RYR3: variants seen among roughly 807,000 people sequenced by gnomAD.
The protein encoded by RYR3 is brain ryanodine receptor-calcium release channel.
A neutral mutation model predicts 584.3 loss-of-function variants in RYR3; 207 were observed. The ratio of observed to expected loss-of-function variants is 0.35; its 90% confidence interval spans 0.32 to 0.40. The LOEUF (loss-of-function observed/expected upper bound fraction) is 0.40. Ranked by LOEUF, RYR3 falls within the 10% of genes least tolerant of loss-of-function variation. The pLI, the probability that RYR3 is intolerant of heterozygous loss-of-function variation, is 1.00. For missense variants in RYR3, 5,616 were observed against 6,089.2 expected (o/e 0.92, Z 2.59); for synonymous variants, 2,416 against 2,248.5 (o/e 1.07, Z -2.11).
intron 1 of RYR3, among the ~76,000 whole-genome samples, chr15:33,435,642 C>G (rs968875520): frequency 6.6e-6 from 1 of 152,162 alleles, no homozygotes; most frequent in Non-Finnish European, 1.5e-5. Context: ...TTGCTAACTT[C>G]AAGAATGAAG....
At chr15:33,659,558 C>T (rs150881505) in intron 32 of RYR3, among the ~76,000 whole-genome samples, 162 bp from the exon 33 acceptor site, 4 of 152,312 alleles carry the variant, frequency 2.6e-5, no homozygotes, top group Admixed American at 6.5e-5. Context: ...TGACAATCTC[C>T]GCTGATAGAT....
chr15:33,645,940 CT>C (rs1032917368), intron 28 of RYR3, among the ~76,000 whole-genome samples: 10 of 152,154 alleles, frequency 6.6e-5, no homozygotes, highest in Admixed American at 2.0e-4. Flanking sequence ...TTTGGGATTA[CT>C]TTTTCCCCTT....
chr15:33,384,856 G>T (rs547265507), intron 1 of RYR3, among the ~76,000 whole-genome samples: 6 of 152,148 alleles, frequency 3.9e-5, no homozygotes, highest in African/African-American at 1.2e-4. Context: ...ACCTGAAATT[G>T]ACTGCATTTG....
chr15:33,865,090 T>C (rs1890031260), intron 103 of RYR3, 41 bp from the exon 104 acceptor site: 8 of 1,510,636 alleles, frequency 5.3e-6, no homozygotes, highest in Non-Finnish European at 6.4e-6. Context: ...TAGCTTTTAC[T>C]GTGGTTTAAA....
intron 17 of RYR3, among the ~76,000 whole-genome samples, chr15:33,602,560 C>A (rs560033766): frequency 6.6e-6 from 1 of 152,136 alleles, no homozygotes; most frequent in East Asian, 1.9e-4. Context: ...TGTAATCTTA[C>A]AAATCTGTAT....
At chr15:33,609,793 A>G (rs1444672022) in intron 18 of RYR3, among the ~76,000 whole-genome samples, 1 of 152,206 alleles carries the variant, frequency 6.6e-6, no homozygotes, top group Non-Finnish European at 1.5e-5. Context: ...GATTTTTTTC[A>G]TAGCAAGGAC....
At chr15:33,367,870 T>G (rs1045624271) in intron 1 of RYR3, among the ~76,000 whole-genome samples, 5 of 152,232 alleles carry the variant, frequency 3.3e-5, no homozygotes, top group Non-Finnish European at 7.3e-5. Flanking sequence ...TTTGCAGATA[T>G]GAAAATTAAG....
intron 69 of RYR3, 72 bp downstream of exon 69, chr15:33,802,033 C>G: frequency 1.1e-6 from 1 of 935,504 alleles, no homozygotes. Flanking sequence ...CTGTTTCATA[C>G]TTTCTGGGGA....
At chr15:33,863,263 C>CGTATCAAACAGGATAA (rs898758495) in intron 102 of RYR3, among the ~76,000 whole-genome samples, 9 of 152,054 alleles carry the variant, frequency 5.9e-5, no homozygotes, top group Non-Finnish European at 1.3e-4. Flanking sequence ...TCAGCCCCTA[C>CGTATCAAACAGGATAA]GTATCAAACA....
At chr15:33,415,530 A>G (rs2043740137) in intron 1 of RYR3, among the ~76,000 whole-genome samples, 1 of 152,070 alleles carries the variant, frequency 6.6e-6, no homozygotes, top group Non-Finnish European at 1.5e-5. Context: ...ACAGTACAGT[A>G]TGTAAGGGCT....
intron 15 of RYR3, among the ~76,000 whole-genome samples, chr15:33,585,559 A>C (rs1022694827): frequency 6.6e-6 from 1 of 152,252 alleles, no homozygotes; most frequent in African/African-American, 2.4e-5. Flanking sequence ...AGTTCCTAGA[A>C]AAATTCTTAT....
intron 38 of RYR3, 73 bp from the exon 39 acceptor site, chr15:33,696,145 G>T: frequency 1.4e-6 from 2 of 1,421,512 alleles, no homozygotes; most frequent in Non-Finnish European, 9.6e-7. Context: ...CTATTTGCAT[G>T]AAGTGGCTGA....
Position 33,316,861 on chromosome 15 carries a change from G to A in RYR3, c.51+5765G>A, listed in dbSNP as rs137900327. On this transcript the variant is annotated intron_variant, in intron 1 of 103. Coordinates refer to ENST00000634891, the MANE Select transcript of RYR3 (RefSeq NM_001036.6). Reference sequence around the variant, plus strand: ...CCATCTCTAACATGGTCTTTGTTGCGGGTCCTTCCCTCCATCCCAGAGCTG... The same window carrying A: ...CCATCTCTAACATGGTCTTTGTTGCAGGTCCTTCCCTCCATCCCAGAGCTG... 3.3e-5 allele frequency among the ~76,000 whole-genome samples: 5 copies of A among 152,280 alleles called. No individual in the cohort carries two copies. The East Asian group carries it at 5.8e-4, about 18-fold the overall frequency.
chr15:33,815,232 GCT>G (rs1392337731), intron 74 of RYR3, among the ~76,000 whole-genome samples: 3 of 152,180 alleles, frequency 2.0e-5, no homozygotes, highest in Non-Finnish European at 4.4e-5. Context: ...GGGCGTTAAG[GCT>G]GCTGAAGTCG....
intron 2 of RYR3, among the ~76,000 whole-genome samples, chr15:33,485,408 G>A (rs2050324432): frequency 6.6e-6 from 1 of 152,216 alleles, no homozygotes; most frequent in African/African-American, 2.4e-5. Context: ...TTTAAATGCT[G>A]AGGGGAAGAT....
At chr15:33,628,323 T>C (rs2152622570) in intron 20 of RYR3, 148 bp from the exon 21 acceptor site, 1 of 597,954 alleles carries the variant, frequency 1.7e-6, no homozygotes. Flanking sequence ...GGAGGAGGGC[T>C]GGGGAGCATG....
At chr15:33,555,178 C>T (rs939521220) in intron 10 of RYR3, among the ~76,000 whole-genome samples, 1 of 152,320 alleles carries the variant, frequency 6.6e-6, no homozygotes, top group Non-Finnish European at 1.5e-5. Flanking sequence ...TCCCTGCCTA[C>T]GTTTCACATG....
At chr15:33,648,633 C>T (rs941151549) in intron 30 of RYR3, among the ~76,000 whole-genome samples, 9 of 152,162 alleles carry the variant, frequency 5.9e-5, no homozygotes, top group Admixed American at 2.0e-4. Flanking sequence ...GAAAGTGTAA[C>T]GGGGATGCTC....
intron 100 of RYR3, among the ~76,000 whole-genome samples, chr15:33,860,379 T>G (rs1887730804): frequency 6.6e-6 from 1 of 152,166 alleles, no homozygotes; most frequent in Admixed American, 6.5e-5. Context: ...AGCAAGTAGT[T>G]AACAGCACTG....
Sources: gnomAD v4.1 joint callset for allele counts (sites outside exome capture counted in the v4.1 genomes callset) on GRCh38, gnomAD v4.1.1 for gene constraint, MANE v1.5 for transcripts, NCBI Gene and HGNC (gene_info 2026-07-23, HGNC 2026-07-21) for gene names.